ZSWIM5: variants seen among roughly 807,000 people sequenced by gnomAD.
The protein encoded by ZSWIM5 is zinc finger SWIM-type containing 5.
ZSWIM5 carries 55 observed loss-of-function variants against 119.6 expected under a neutral mutation model. The observed-to-expected ratio is 0.46, with a 90% confidence interval of 0.37 to 0.58. The LOEUF (loss-of-function observed/expected upper bound fraction) is 0.58, where lower values mean the gene tolerates loss of function less well. ZSWIM5 is among the 20% of genes least tolerant of loss of function. The pLI, the probability that ZSWIM5 is intolerant of heterozygous loss-of-function variation, is 0.00. For missense variants in ZSWIM5, 1,193 were observed against 1,512.8 expected (o/e 0.79, Z 3.51); for synonymous variants, 537 against 606.9 (o/e 0.88, Z 1.69).
At chr1:45,025,935 T>C (rs1644918008) in intron 11 of ZSWIM5, among the ~76,000 whole-genome samples, 1 of 152,238 alleles carries the variant, frequency 6.6e-6, no homozygotes, top group Non-Finnish European at 1.5e-5. Flanking sequence ...TAGGAACTTC[T>C]AGTATGATGC....
rs1645449278 is a variant in ZSWIM5, at chr1:45,103,051, T to C, written c.596-14814A>G. On this transcript the variant is annotated intron_variant, in intron 1 of 13. Transcript: ENST00000359600. Reference sequence around the variant, plus strand: ...CTAATTATTATTTTTTTAATGTTTGTAGAGATGAGTCTTGCTATATTGCCT... The same window carrying C: ...CTAATTATTATTTTTTTAATGTTTGCAGAGATGAGTCTTGCTATATTGCCT... Among the ~76,000 whole-genome samples the C allele has an allele frequency of 2.6e-5, 4 of 152,126 alleles. No homozygotes were observed. In the South Asian group the frequency reaches 8.3e-4, roughly 32 times the overall value.
At chr1:45,020,573 C>CT in intron 12 of ZSWIM5, 52 bp downstream of exon 12, 1 of 1,579,824 alleles carries the variant, frequency 6.3e-7, no homozygotes, top group East Asian at 2.2e-5. Flanking sequence ...CTTCTGCCAA[C>CT]TGTCACTAGG....
chr1:45,080,478 C>G (rs936301814), intron 2 of ZSWIM5, among the ~76,000 whole-genome samples: 84 of 152,260 alleles, frequency 5.5e-4, no homozygotes, highest in Admixed American at 3.3e-3. Context: ...AAATGCTTTC[C>G]ACACCATGCT....
At chr1:45,100,720 G>C (rs552486643) in intron 1 of ZSWIM5, among the ~76,000 whole-genome samples, 103 of 152,250 alleles carry the variant, frequency 6.8e-4, no homozygotes, top group African/African-American at 2.3e-3. Flanking sequence ...CAATGGAACA[G>C]AACAGAGGCC....
At position 45,019,149 on chromosome 1, in the gene ZSWIM5, G is replaced by C. The variant is rs561930951; in HGVS notation, c.2863C>G (p.Leu955Val). 3.7e-6 allele frequency: 6 copies of C among 1,613,982 alleles called. No individual in the cohort carries two copies. Among genetic ancestry groups the C allele is most frequent in the Non-Finnish European group, 5.1e-6 (6 of 1,180,010 alleles). The change falls in exon 14 of 14, where the codon CTA (leucine) becomes GTA (valine). Residue 955 changes from leucine (L) to valine (V), a missense_variant. By Grantham distance (32) the Leu-to-Val change is conservative (BLOSUM62 1). Around this residue, in one of 2 missense-constraint regions of ZSWIM5, gnomAD observed 961 missense variants for 1,290.0 expected, o/e 0.74. Transcript: ENST00000359600. The surrounding 1 kb of genome is among the most constrained non-coding windows in gnomAD (Gnocchi z 5.0). ...ELASCARTLA[L>V]QCAMKDPQSC... The stretch of plus-strand genomic sequence containing the variant: ...TGTGGATCCTTCATAGCACACTGTA[G>C]AGCCAGTGTGCGAGCACAGCTAGCC...
At chr1:45,070,383 T>C in intron 2 of ZSWIM5, 1 of 1,426,776 alleles carries the variant, frequency 7.0e-7, no homozygotes, top group South Asian at 1.1e-5. Context: ...CAGCTTCAGG[T>C]TAGGACATTC....
intron 1 of ZSWIM5, among the ~76,000 whole-genome samples, chr1:45,142,741 A>G (rs113463374): frequency 0.01 from 1,522 of 152,186 alleles, 30 homozygotes; most frequent in African/African-American, 0.035. Context: ...TAAAAAAGAA[A>G]TAATACCAAT....
At chr1:45,033,804 A>T (rs569408780) in intron 11 of ZSWIM5, among the ~76,000 whole-genome samples, 41 of 152,164 alleles carry the variant, frequency 2.7e-4, no homozygotes, top group Admixed American at 1.7e-3. Flanking sequence ...AGATCATTTA[A>T]TTTTACATAT....
intron 2 of ZSWIM5, among the ~76,000 whole-genome samples, chr1:45,065,259 C>G (rs1430164419): frequency 6.6e-6 from 1 of 152,124 alleles, no homozygotes; most frequent in Non-Finnish European, 1.5e-5. Flanking sequence ...GAATGAACAG[C>G]AATGGTGCTC....
At chr1:45,146,757 C>T (rs1645763680) in intron 1 of ZSWIM5, among the ~76,000 whole-genome samples, 1 of 152,078 alleles carries the variant, frequency 6.6e-6, no homozygotes, top group African/African-American at 2.4e-5. Context: ...TACGTACGTA[C>T]TCATATTGAC....
At chr1:45,020,002 C>T in intron 13 of ZSWIM5, 64 bp downstream of exon 13, 1 of 1,383,494 alleles carries the variant, frequency 7.2e-7, no homozygotes, top group Non-Finnish European at 1.0e-6. Flanking sequence ...ATTGATTGTC[C>T]TGTCCCAAGA....
intron 1 of ZSWIM5, among the ~76,000 whole-genome samples, chr1:45,131,686 C>T (rs1198705875): frequency 2.2e-5 from 3 of 136,520 alleles, no homozygotes; most frequent in Non-Finnish European, 3.0e-5. Flanking sequence ...GACTGGGCCA[C>T]TGAACTCCAG....
At chr1:45,155,422 T>C (rs930634285) in intron 1 of ZSWIM5, among the ~76,000 whole-genome samples, 1 of 151,554 alleles carries the variant, frequency 6.6e-6, no homozygotes, top group Non-Finnish European at 1.5e-5. Flanking sequence ...CATTTCTACA[T>C]TGCTGGTGGG....
intron 11 of ZSWIM5, among the ~76,000 whole-genome samples, chr1:45,023,500 G>A (rs1239233489): frequency 3.0e-5 from 2 of 67,790 alleles, no homozygotes; most frequent in African/African-American, 8.0e-5. Context: ...AAACTTCCAT[G>A]TCTCTTTTTT....
intron 2 of ZSWIM5, among the ~76,000 whole-genome samples, chr1:45,062,334 C>A (rs891160100): frequency 6.6e-6 from 1 of 152,004 alleles, no homozygotes; most frequent in Admixed American, 6.6e-5. Flanking sequence ...GTCAGCACAA[C>A]AAAGCTACTC....
chr1:45,112,137 C>T (rs151217491), intron 1 of ZSWIM5, among the ~76,000 whole-genome samples: 1 of 152,308 alleles, frequency 6.6e-6, no homozygotes, highest in East Asian at 1.9e-4. Context: ...ACCTATCTAT[C>T]ACCCCCAAAT....
chr1:45,058,789 T>C, intron 3 of ZSWIM5, 30 bp from the exon 4 acceptor site: 1 of 1,611,824 alleles, frequency 6.2e-7, no homozygotes, highest in Non-Finnish European at 8.5e-7. Flanking sequence ...AAGGGATTGG[T>C]GATTGTGTAT....
At chr1:45,132,936 C>G (rs1390543085) in intron 1 of ZSWIM5, among the ~76,000 whole-genome samples, 2 of 152,154 alleles carry the variant, frequency 1.3e-5, no homozygotes, top group Admixed American at 6.5e-5. Context: ...CTACAAAGGA[C>G]ATGAACTCAT....
chr1:45,022,299 T>C (rs1316821677), intron 11 of ZSWIM5, among the ~76,000 whole-genome samples: 1 of 151,578 alleles, frequency 6.6e-6, no homozygotes, highest in African/African-American at 2.4e-5. Context: ...CCCGGCTAAT[T>C]TTTTGCATTT....
Sources: allele counts gnomAD v4.1 joint callset (sites outside exome capture counted in the v4.1 genomes callset), GRCh38; gene constraint gnomAD v4.1.1; regional missense constraint gnomAD v4.1.1; non-coding constraint Gnocchi (gnomAD v3.1); transcripts MANE v1.5; gene names NCBI Gene and HGNC (gene_info 2026-07-23, HGNC 2026-07-21).